Variants in PGM1 observed in about 807,000 individuals in gnomAD.
The protein encoded by PGM1 is phosphoglucomutase 1.
In PGM1, 52 loss-of-function variants were observed where a neutral mutation model predicts 55.6. That is an observed-to-expected ratio of 0.94 (90% CI 0.75 to 1.18). The LOEUF (loss-of-function observed/expected upper bound fraction) is 1.18, where lower values mean the gene tolerates loss of function less well. Among genes scored for constraint, PGM1 ranks in the 50% most tolerant of loss-of-function variants. The pLI is 0.00. For missense variants in PGM1, 724 were observed against 729.3 expected, an observed-to-expected ratio of 0.99 and a Z score of 0.08; for synonymous variants, 287 against 271.7, an observed-to-expected ratio of 1.06 and a Z score of -0.55.
At chr1:63,620,686 T>G (rs1468601536) in intron 1 of PGM1, among the ~76,000 whole-genome samples, 1 of 152,242 alleles carries the variant, frequency 6.6e-6, no homozygotes, top group Non-Finnish European at 1.5e-5. Context: ...CTGATGCAAA[T>G]GGAAGCTGGA....
Position 63,634,943 on chromosome 1 carries a change from T to A in PGM1, c.797T>A (p.Leu266His). ...DFGGHHPDPN[L>H]TYAADLVETM... is the part of the protein sequence containing the mutation. ...GGAGGCCACCACCCTGACCCCAACC[T>A]CACCTATGCAGCTGACCTGGTGGAG... Residue 266 changes from leucine to histidine, a missense_variant, in exon 5 of 11, where the codon CTC becomes CAC. Leu to His is a moderately conservative substitution (Grantham distance 99). Around this residue, in one of 3 missense-constraint regions of PGM1, gnomAD observed 379 missense variants for 357.5 expected, o/e 1.06. Transcript: ENST00000371084. 6.2e-7 allele frequency: 1 copy of A among 1,613,972 alleles called. No individual in the cohort carries two copies. The highest frequency in any genetic ancestry group is 8.5e-7 in the Non-Finnish European group (1 of 1,179,976).
chr1:63,648,588 A>C lies in PGM1; in HGVS notation c.1216A>C (p.Lys406Gln). 1 of 1,614,022 alleles carries C rather than the reference A, an allele frequency of 6.2e-7. No individual in the cohort carries two copies. The highest frequency in any genetic ancestry group is 8.5e-7 in the Non-Finnish European group (1 of 1,179,918). Residue 406 changes from lysine (K) to glutamine (Q), a missense_variant, in exon 8 of 11, where the codon AAG becomes CAG. By Grantham distance (53) the Lys-to-Gln change is moderately conservative. Around this residue, in one of 3 missense-constraint regions of PGM1, gnomAD observed 316 missense variants for 313.1 expected, o/e 1.01. Transcript: ENST00000371084. ...LAWLSILATR[K>Q]QSVEDILKDH... is the part of the protein sequence containing the mutation. ...CTGGCTCTCCATCCTAGCCACCCGC[A>C]AGCAGAGTGTGGAGGACATTCTCAA...
intron 5 of PGM1, 118 bp downstream of exon 5, chr1:63,635,137 C>G: frequency 1.2e-6 from 1 of 853,456 alleles, no homozygotes. Flanking sequence ...ATCCCTCATT[C>G]TGACCCGAGG....
intron 1 of PGM1, among the ~76,000 whole-genome samples, chr1:63,607,663 G>A (rs1194556426): frequency 6.6e-6 from 1 of 152,134 alleles, no homozygotes; most frequent in Non-Finnish European, 1.5e-5. Context: ...TAAGCAATCA[G>A]ATTTCTTTTT....
intron 1 of PGM1, among the ~76,000 whole-genome samples, chr1:63,597,522 A>G (rs1201241195): frequency 1.6e-4 from 24 of 152,194 alleles, no homozygotes. Flanking sequence ...ATGGTCTCCC[A>G]CCTTCCTCTA....
At chr1:63,612,473 G>A (rs1648596414) in intron 1 of PGM1, among the ~76,000 whole-genome samples, 3 of 152,148 alleles carry the variant, frequency 2.0e-5, no homozygotes, top group Admixed American at 2.0e-4. Flanking sequence ...TTGACATACA[G>A]TGTGGTTGTG....
rs545324236 is a variant in PGM1 at position 63,611,966 on chromosome 1, C to T, written c.247-17459C>T. Among the ~76,000 whole-genome samples, 9 of 152,208 alleles carry T rather than the reference C, an allele frequency of 5.9e-5. 1 individual carries two copies. The South Asian group carries it at 1.9e-3, about 32-fold the overall frequency. On this transcript the variant is annotated intron_variant, in intron 1 of 10. Transcript: ENST00000371084. ...TTGCCCAGTAACATATTAAGGCTATCAGGAGCTGGACGTGGTGGCTCACGC... is the reference window on the plus strand; with the variant it reads ...TTGCCCAGTAACATATTAAGGCTATTAGGAGCTGGACGTGGTGGCTCACGC...
In PGM1 at chr1:63,596,393, A is replaced by G. The variant is rs187523443; in HGVS notation, c.246+2659A>G. On this transcript the variant is annotated intron_variant, in intron 1 of 10. Coordinates refer to ENST00000371084, the MANE Select transcript of PGM1 (RefSeq NM_002633.3). ...TGCCTTAGCCTCCTGAGTAGCTGGGATGACAGGCATGCACCACCACACCTG... is the reference window on the plus strand; with the variant it reads ...TGCCTTAGCCTCCTGAGTAGCTGGGGTGACAGGCATGCACCACCACACCTG... 1.1e-3 allele frequency among the ~76,000 whole-genome samples: 160 copies of G among 150,654 alleles called. 2 individuals carry two copies. Among genetic ancestry groups the G allele is most frequent in the African/African-American group, 3.6e-3 (149 of 40,908 alleles).
At chr1:63,658,197 G>A (rs6671606) in intron 10 of PGM1, among the ~76,000 whole-genome samples, 44,743 of 152,040 alleles carry the variant, frequency 0.29, 6,948 homozygotes, top group African/African-American at 0.4. Flanking sequence ...ATAATGGATC[G>A]GTGGAGATTT....
intron 1 of PGM1, among the ~76,000 whole-genome samples, chr1:63,599,649 G>A (rs1361409384): frequency 1.3e-5 from 2 of 152,136 alleles, no homozygotes; most frequent in Non-Finnish European, 2.9e-5. Flanking sequence ...ACTTAATCTG[G>A]TGTGGTTTCG....
chr1:63,640,905 G>A (rs1649497567), intron 7 of PGM1, among the ~76,000 whole-genome samples: 1 of 152,180 alleles, frequency 6.6e-6, no homozygotes, highest in African/African-American at 2.4e-5. Context: ...TCCAGGGTTG[G>A]CCTGGCAAGT....
At position 63,629,896 on chromosome 1, in the gene PGM1, A is replaced by T. The variant is rs772318981; in HGVS notation, c.410-46A>T. Reference sequence around the variant, plus strand: ...TGAGCTTTGGATTCTTTGTATTTCCATGTGAGCTGCACGAAGTAACCCACT... The same window carrying T: ...TGAGCTTTGGATTCTTTGTATTTCCTTGTGAGCTGCACGAAGTAACCCACT... On this transcript the variant is annotated intron_variant, in intron 2 of 10. Coordinates refer to ENST00000371084, the MANE Select transcript of PGM1 (RefSeq NM_002633.3). 3 of 1,609,596 alleles carry T rather than the reference A, an allele frequency of 1.9e-6. No homozygotes were observed. In the Admixed American group the frequency reaches 5.0e-5, roughly 27 times the overall value.
chr1:63,605,198 T>C (rs1423264023), intron 1 of PGM1, among the ~76,000 whole-genome samples: 2 of 152,146 alleles, frequency 1.3e-5, no homozygotes, highest in Non-Finnish European at 2.9e-5. Flanking sequence ...TTTGGGGCTG[T>C]ACAGCTTATG....
rs142864429 is a variant in PGM1, at chr1:63,638,777, G to C, written c.1121G>C (p.Cys374Ser). Reference sequence around the variant, plus strand: ...ATGGACGCGAGCAAACTGTCCCTTTGTGGGGAGGAGAGCTTCGGGACCGGT... The same window carrying C: ...ATGGACGCGAGCAAACTGTCCCTTTCTGGGGAGGAGAGCTTCGGGACCGGT... ...NLMDASKLSL[C>S]GEESFGTGSD... Residue 374 changes from cysteine to serine, a missense_variant, in exon 7 of 11, where the codon TGT (cysteine) becomes TCT (serine). Around this residue, in one of 3 missense-constraint regions of PGM1, gnomAD observed 316 missense variants for 313.1 expected, o/e 1.01. Transcript: ENST00000371084. 4.9e-5 allele frequency: 79 copies of C among 1,613,678 alleles called. No individual in the cohort carries two copies. Among genetic ancestry groups the C allele is most frequent in the Non-Finnish European group, 6.7e-5 (79 of 1,179,700 alleles).
At position 63,593,466 on chromosome 1, in the gene PGM1, A is replaced by AC; in HGVS notation, c.-18dup. On this transcript the variant is annotated 5_prime_UTR_variant, in exon 1 of 11. Coordinates refer to ENST00000371084, the MANE Select transcript of PGM1 (RefSeq NM_002633.3). ...TCCGCCAGCCAAGTCCGCCGCTCTG[A>AC]CCCCCGGCAGCAAGTCGCCACCATG... 1.9e-6 allele frequency: 3 copies of AC among 1,613,140 alleles called. No individual in the cohort carries two copies. The highest frequency in any genetic ancestry group is 2.5e-6 in the Non-Finnish European group (3 of 1,179,800).
At chr1:63,638,898 C>T (rs550739006) in intron 7 of PGM1, 98 bp downstream of exon 7, 79 of 871,942 alleles carry the variant, frequency 9.1e-5, no homozygotes, top group Admixed American at 2.4e-4. Context: ...CAACGGTAGC[C>T]GATGTGTCCT....
intron 1 of PGM1, among the ~76,000 whole-genome samples, chr1:63,627,363 G>T (rs1353089395): frequency 6.6e-6 from 1 of 152,054 alleles, no homozygotes; most frequent in Non-Finnish European, 1.5e-5. Context: ...ATCCAGCCAG[G>T]GTCGAGTAAG....
intron 1 of PGM1, among the ~76,000 whole-genome samples, chr1:63,610,169 T>C (rs1557704982): frequency 6.6e-6 from 1 of 152,206 alleles, no homozygotes; most frequent in Non-Finnish European, 1.5e-5. Context: ...TTTATGAGGA[T>C]AGAATGAAAT....
At chr1:63,636,722 G>T (rs1017984159) in intron 6 of PGM1, among the ~76,000 whole-genome samples, 1 of 152,160 alleles carries the variant, frequency 6.6e-6, no homozygotes, top group Admixed American at 6.6e-5. Context: ...ACCATAGCGT[G>T]CCTGGCACAT....
Sources: allele counts gnomAD v4.1 joint callset (sites outside exome capture counted in the v4.1 genomes callset), GRCh38; gene constraint gnomAD v4.1.1; regional missense constraint gnomAD v4.1.1; transcripts MANE v1.5; gene names NCBI Gene and HGNC (gene_info 2026-07-23, HGNC 2026-07-21).